LRP12: variants seen among roughly 807,000 people sequenced by gnomAD.
LRP12 encodes low-density lipoprotein receptor-related protein 12.
Under a neutral mutation model 66.0 loss-of-function variants are expected in LRP12, and 14 were observed. The ratio of observed to expected loss-of-function variants is 0.21; its 90% CI spans 0.14 to 0.33. The LOEUF (loss-of-function observed/expected upper bound fraction) is 0.33. LRP12 is among the 10% of genes least tolerant of loss of function. LRP12 has a pLI of 1.00. For synonymous variants in LRP12, 357 were observed against 359.1 expected (o/e 0.99, Z 0.07); for missense variants, 889 against 1,053.4 (o/e 0.84, Z 2.16).
intron 1 of LRP12, among the ~76,000 whole-genome samples, chr8:104,583,633 G>A (rs1482110321): frequency 6.6e-6 from 1 of 152,144 alleles, no homozygotes; most frequent in Non-Finnish European, 1.5e-5. Context: ...ACATAAGCAA[G>A]GGCTCAATAA....
chr8:104,529,119 G>A (rs928926350), intron 2 of LRP12, among the ~76,000 whole-genome samples: 1 of 152,130 alleles, frequency 6.6e-6, no homozygotes, highest in Non-Finnish European at 1.5e-5. Flanking sequence ...AGTCTTTACA[G>A]AGTTAAAGAG....
At chr8:104,555,666 T>C (rs1811796537) in intron 1 of LRP12, among the ~76,000 whole-genome samples, 1 of 151,952 alleles carries the variant, frequency 6.6e-6, no homozygotes, top group South Asian at 2.1e-4. Context: ...TACAAAACAA[T>C]TACTAATAGA....
chr8:104,514,276 T>C (rs939175187), intron 2 of LRP12, among the ~76,000 whole-genome samples: 6 of 152,166 alleles, frequency 3.9e-5, no homozygotes, highest in African/African-American at 7.2e-5. Flanking sequence ...TCCCAACTTA[T>C]CATTAATACT....
chr8:104,557,657 G>A (rs748119644), intron 1 of LRP12, among the ~76,000 whole-genome samples: 1 of 152,110 alleles, frequency 6.6e-6, no homozygotes, highest in Non-Finnish European at 1.5e-5. Flanking sequence ...CATGCTCATG[G>A]ATAGGTATAA....
chr8:104,523,399 T>C (rs1391247352), intron 2 of LRP12, among the ~76,000 whole-genome samples: 1 of 152,170 alleles, frequency 6.6e-6, no homozygotes, highest in Non-Finnish European at 1.5e-5. Flanking sequence ...CACAGTACCA[T>C]TTACATTCAA....
chr8:104,498,292 A>C (rs1385779734), intron 4 of LRP12, among the ~76,000 whole-genome samples: 2 of 152,178 alleles, frequency 1.3e-5, no homozygotes, highest in African/African-American at 4.8e-5. Context: ...AACATGTGCC[A>C]TGGTGGTTTG....
intron 1 of LRP12, among the ~76,000 whole-genome samples, chr8:104,580,599 GA>G (rs775118901): frequency 8.0e-5 from 12 of 150,852 alleles, no homozygotes; most frequent in Non-Finnish European, 1.5e-4. Context: ...ACATTTACAA[GA>G]AAAAAACCCA....
chr8:104,491,397 G>A lies in LRP12; in HGVS notation c.1856C>T (p.Ala619Val), dbSNP rs1234224709. 6.2e-7 allele frequency: 1 copy of A among 1,614,048 alleles called. No homozygotes were observed. Among genetic ancestry groups the A allele is most frequent in the African/African-American group, 1.3e-5 (1 of 74,986 alleles). ...CTCATCTCCATCTGCTGAGACCAAA[G>A]CCAATGACCCAGAATGACGTGATCT... ...FARSRHSGSL[A>V]LVSADGDEVV... The change falls in exon 7 of 7, where the codon GCT (alanine) becomes GTT (valine). Residue 619 changes from alanine (A) to valine (V), a missense_variant. By Grantham distance (64) the Ala-to-Val change is moderately conservative. Transcript: ENST00000276654.
chr8:104,531,452 T>C (rs532730321), intron 2 of LRP12, among the ~76,000 whole-genome samples: 2 of 152,206 alleles, frequency 1.3e-5, no homozygotes, highest in South Asian at 4.1e-4. Context: ...ACAAGTATAC[T>C]GTGTTGCTTT....
chr8:104,561,443 G>A (rs1351694428), intron 1 of LRP12, among the ~76,000 whole-genome samples: 1 of 152,186 alleles, frequency 6.6e-6, no homozygotes, highest in African/African-American at 2.4e-5. Context: ...ATCCACTGAT[G>A]ATCACAGCCT....
intron 4 of LRP12, among the ~76,000 whole-genome samples, chr8:104,498,473 T>C (rs981132589): frequency 6.6e-6 from 1 of 151,304 alleles, no homozygotes; most frequent in African/African-American, 2.4e-5. Flanking sequence ...CATGCAGTGT[T>C]TGGTTTTCTG....
In LRP12 at chr8:104,515,760, T is replaced by C. The variant is rs1372771212; in HGVS notation, c.137-6686A>G. ...AATGTCCACAGGTATTTGACTGTGG[T>C]AGTATTTGGATTGATATTTTATTTG... is the stretch of plus-strand genomic sequence containing the variant. On this transcript the variant is annotated intron_variant, in intron 2 of 6. Coordinates refer to ENST00000276654, the MANE Select transcript of LRP12 (RefSeq NM_013437.5). 2.0e-5 allele frequency among the ~76,000 whole-genome samples: 3 copies of C among 152,174 alleles called. 1 individual carries two copies. Among genetic ancestry groups the C allele is most frequent in the African/African-American group, 4.8e-5 (2 of 41,452 alleles).
At chr8:104,547,194 T>A (rs1203914946) in intron 1 of LRP12, among the ~76,000 whole-genome samples, 1 of 139,108 alleles carries the variant, frequency 7.2e-6, no homozygotes, top group Admixed American at 7.4e-5. Context: ...CTATGTTATA[T>A]CATATTTTGT....
chr8:104,556,214 C>T (rs762515360), intron 1 of LRP12, among the ~76,000 whole-genome samples: 11 of 151,968 alleles, frequency 7.2e-5, no homozygotes, highest in Non-Finnish European at 1.5e-4. Context: ...TCTGAAAGAA[C>T]ACAAATAGAC....
intron 2 of LRP12, among the ~76,000 whole-genome samples, chr8:104,510,133 A>G (rs1300999191): frequency 6.6e-6 from 1 of 152,208 alleles, no homozygotes; most frequent in Non-Finnish European, 1.5e-5. Flanking sequence ...ATATTTGCTT[A>G]CCTACTTTGT....
chr8:104,558,111 G>A (rs1811840470), intron 1 of LRP12, among the ~76,000 whole-genome samples: 1 of 152,156 alleles, frequency 6.6e-6, no homozygotes, highest in African/African-American at 2.4e-5. Context: ...TCAGGAGGCT[G>A]AGGCAGAAGA....
chr8:104,553,306 GC>G (rs1253089717), intron 1 of LRP12, among the ~76,000 whole-genome samples: 4 of 152,202 alleles, frequency 2.6e-5, no homozygotes, highest in Non-Finnish European at 5.9e-5. Context: ...AAACCTGAAA[GC>G]CCTGCTTGCT....
At chr8:104,563,685 T>C (rs1307613557) in intron 1 of LRP12, among the ~76,000 whole-genome samples, 1 of 152,040 alleles carries the variant, frequency 6.6e-6, no homozygotes, top group African/African-American at 2.4e-5. Context: ...AGTGTCCTTA[T>C]AAAAGGGACC....
At chr8:104,540,037 G>T (rs1244969168) in intron 1 of LRP12, among the ~76,000 whole-genome samples, 1 of 152,032 alleles carries the variant, frequency 6.6e-6, no homozygotes, top group African/African-American at 2.4e-5. Context: ...TGTGCAGAGT[G>T]GTCACTTTCT....
Sources: allele counts gnomAD v4.1 joint callset (sites outside exome capture counted in the v4.1 genomes callset), GRCh38; gene constraint gnomAD v4.1.1; transcripts MANE v1.5; gene names NCBI Gene and HGNC (gene_info 2026-07-23, HGNC 2026-07-21).